The following PTPRA variants were observed in gnomAD, a reference collection of about 807,000 sequenced individuals.
The protein encoded by PTPRA is protein tyrosine phosphatase receptor type A, also known as receptor-type tyrosine-protein phosphatase alpha.
In PTPRA, 25 loss-of-function variants were observed where a neutral mutation model predicts 104.8. That is an observed-to-expected ratio of 0.24 (90% CI 0.17 to 0.33). The LOEUF is 0.33. Among genes scored for constraint, PTPRA ranks in the 10% least tolerant of loss-of-function variants. The pLI, the probability that PTPRA is intolerant of heterozygous loss-of-function variation, is 1.00. For synonymous variants in PTPRA, 323 were observed against 368.9 expected, an observed-to-expected ratio of 0.88 and a Z score of 1.43; for missense variants, 765 against 1,015.3, an observed-to-expected ratio of 0.75 and a Z score of 3.35.
intron 1 of PTPRA, among the ~76,000 whole-genome samples, chr20:2,885,041 TC>T (rs2090302262): frequency 1.3e-5 from 2 of 152,082 alleles, no homozygotes; most frequent in Non-Finnish European, 1.5e-5. Context: ...GACCTCGTGA[TC>T]CGCCCGCCTC....
chr20:3,011,727 A>G (rs2064178620), intron 11 of PTPRA, among the ~76,000 whole-genome samples: 1 of 152,160 alleles, frequency 6.6e-6, no homozygotes, highest in South Asian at 2.1e-4. Flanking sequence ...CAGACTATAG[A>G]GTGTACTTTT....
chr20:2,966,113 G>T (rs2061935800), intron 5 of PTPRA, among the ~76,000 whole-genome samples: 1 of 152,144 alleles, frequency 6.6e-6, no homozygotes, highest in Non-Finnish European at 1.5e-5. Context: ...ATTCTCATTT[G>T]TTACTACAGA....
chr20:3,018,639 C>T (rs1189457320), intron 13 of PTPRA, among the ~76,000 whole-genome samples: 4 of 151,582 alleles, frequency 2.6e-5, no homozygotes, highest in South Asian at 2.1e-4. Flanking sequence ...CACACAGACA[C>T]GGCAACCATC....
chr20:2,948,095 A>C (rs1325285515), intron 3 of PTPRA, 71 bp downstream of exon 3: 1 of 744,018 alleles, frequency 1.3e-6, no homozygotes. Context: ...GGAATTCTGA[A>C]GGGCTACTTA....
intron 6 of PTPRA, 116 bp downstream of exon 6, chr20:2,975,357 CT>C: frequency 1.1e-6 from 1 of 888,472 alleles, no homozygotes; most frequent in Non-Finnish European, 1.6e-6. Flanking sequence ...TGTTTGTTTA[CT>C]TTCCCTTAAG....
At chr20:2,967,703 A>C (rs995783090) in intron 5 of PTPRA, among the ~76,000 whole-genome samples, 9 of 152,178 alleles carry the variant, frequency 5.9e-5, no homozygotes, top group African/African-American at 2.2e-4. Flanking sequence ...TCTACAAAAA[A>C]TACAAAAATT....
chr20:3,003,413 G>C (rs997422569), intron 9 of PTPRA, among the ~76,000 whole-genome samples: 2 of 152,138 alleles, frequency 1.3e-5, no homozygotes, highest in Non-Finnish European at 2.9e-5. Context: ...TTTCCTAAGG[G>C]TATGTTCTCA....
At chr20:2,979,644 A>T (rs1289381238) in intron 6 of PTPRA, among the ~76,000 whole-genome samples, 2 of 152,172 alleles carry the variant, frequency 1.3e-5, no homozygotes, top group Non-Finnish European at 2.9e-5. Flanking sequence ...CTCCAGCCTC[A>T]GCCTCCCGGG....
At chr20:2,885,760 T>G (rs1357983644) in intron 1 of PTPRA, among the ~76,000 whole-genome samples, 1 of 152,086 alleles carries the variant, frequency 6.6e-6, no homozygotes, top group Non-Finnish European at 1.5e-5. Flanking sequence ...GTACACGAAC[T>G]GCTACAGATT....
chr20:2,975,751 G>C (rs1246825617), intron 6 of PTPRA, among the ~76,000 whole-genome samples: 1 of 152,178 alleles, frequency 6.6e-6, no homozygotes, highest in African/African-American at 2.4e-5. Context: ...CTGGTCACTA[G>C]AGAGTAGGGG....
At chr20:2,927,497 C>T (rs2060344638) in intron 2 of PTPRA, among the ~76,000 whole-genome samples, 1 of 152,172 alleles carries the variant, frequency 6.6e-6, no homozygotes, top group Non-Finnish European at 1.5e-5. Context: ...AGATCTCAAT[C>T]ATACACTCCA....
At chr20:2,869,409 G>A (rs1446702205), upstream of PTPRA, among the ~76,000 whole-genome samples, 2 of 152,124 alleles carry the variant, frequency 1.3e-5, no homozygotes, top group Admixed American at 6.5e-5. Flanking sequence ...TTTGACAGAT[G>A]TATAAGCCTA....
At chr20:3,007,560 AT>A (rs893808280) in intron 11 of PTPRA, 140 bp downstream of exon 11, 470 of 836,310 alleles carry the variant, frequency 5.6e-4, no homozygotes, top group East Asian at 7.0e-4. Flanking sequence ...AAGTGACTGA[AT>A]TTTTTTTTAA....
rs200689465 is a variant in PTPRA, at chr20:2,941,026, G to T, written c.-49-6956G>T. On this transcript the variant is annotated intron_variant, in intron 2 of 23. Coordinates refer to ENST00000399903, the MANE Select transcript of PTPRA (RefSeq NM_001385305.1). ...CTTTTCTTCTGGTTTTTTTTTGGGG[G>T]TTTTTTTTGTTTCTTTGGTTTTTTG... 6.2e-4 allele frequency among the ~76,000 whole-genome samples: 94 copies of T among 151,024 alleles called. 1 individual carries two copies. In the East Asian group the frequency reaches 0.014, roughly 23 times the overall value.
chr20:2,882,178 CAATATTAGAACAAAT>C (rs972117807), intron 1 of PTPRA, among the ~76,000 whole-genome samples: 1 of 151,984 alleles, frequency 6.6e-6, no homozygotes, highest in African/African-American at 2.4e-5. Context: ...TGTGAACAAA[CAATATTAGAACAAAT>C]TTTGCAGTGT....
chr20:2,896,681 T>G (rs910486151), intron 1 of PTPRA, among the ~76,000 whole-genome samples: 3 of 152,226 alleles, frequency 2.0e-5, no homozygotes, highest in African/African-American at 7.2e-5. Flanking sequence ...ATTGATATAA[T>G]ACTGCCATCT....
intron 2 of PTPRA, among the ~76,000 whole-genome samples, chr20:2,927,031 T>A (rs1162359988): frequency 6.6e-6 from 1 of 152,028 alleles, no homozygotes; most frequent in African/African-American, 2.4e-5. Context: ...CCTCAAGTGA[T>A]CCGCCCGCCT....
At chr20:2,991,239 A>G (rs886310653) in intron 9 of PTPRA, among the ~76,000 whole-genome samples, 1 of 151,976 alleles carries the variant, frequency 6.6e-6, no homozygotes, top group Non-Finnish European at 1.5e-5. Context: ...CGTGCCTGTA[A>G]TCCCAGCTAC....
At chr20:2,877,790 T>C (rs1004201112) in intron 1 of PTPRA, among the ~76,000 whole-genome samples, 6 of 152,232 alleles carry the variant, frequency 3.9e-5, no homozygotes, top group African/African-American at 9.6e-5. Context: ...TCAGTACATA[T>C]AGAATATGAT....
Sources: gnomAD v4.1 joint callset for allele counts (sites outside exome capture counted in the v4.1 genomes callset) on GRCh38, gnomAD v4.1.1 for gene constraint, MANE v1.5 for transcripts, NCBI Gene and HGNC (gene_info 2026-07-23, HGNC 2026-07-21) for gene names.